MBNL1: variants seen among roughly 807,000 people sequenced by gnomAD.
MBNL1 encodes the protein muscleblind-like protein 1.
Under a neutral mutation model 42.2 loss-of-function variants are expected in MBNL1, and 8 were observed. That is an observed-to-expected ratio of 0.19 (90% confidence interval 0.11 to 0.34). The LOEUF is 0.34. MBNL1 is among the 10% of genes least tolerant of loss of function. MBNL1 has a pLI of 1.00. For missense variants in MBNL1, 309 were observed against 495.3 expected (o/e 0.62, Z 3.57); for synonymous variants, 169 against 173.9 (o/e 0.97, Z 0.22).
chr3:152,331,707 G>A (rs1057021294), intron 2 of MBNL1, among the ~76,000 whole-genome samples: 1 of 152,028 alleles, frequency 6.6e-6, no homozygotes, highest in Admixed American at 6.6e-5. Flanking sequence ...TTGATTGATT[G>A]ATTGATTGAG....
At chr3:152,257,153 C>T (rs879304736) in intron 2 of MBNL1, among the ~76,000 whole-genome samples, 24 of 152,156 alleles carry the variant, frequency 1.6e-4, no homozygotes, top group Admixed American at 7.2e-4. Context: ...TTTTTAAGTG[C>T]GTGTGTGTGA....
At chr3:152,432,611 G>C in intron 3 of MBNL1, 106 bp from the exon 4 acceptor site, 2 of 942,596 alleles carry the variant, frequency 2.1e-6, no homozygotes, top group South Asian at 1.4e-5. Flanking sequence ...AGGAGGGAAG[G>C]CCTAAGGAAG....
At chr3:152,262,032 T>G (rs2036378279) in intron 2 of MBNL1, among the ~76,000 whole-genome samples, 1 of 152,144 alleles carries the variant, frequency 6.6e-6, no homozygotes, top group African/African-American at 2.4e-5. Context: ...AACTGTGATT[T>G]TTCCCTCACG....
intron 9 of MBNL1, among the ~76,000 whole-genome samples, chr3:152,460,702 A>G (rs1744239466): frequency 6.6e-6 from 1 of 151,942 alleles, no homozygotes; most frequent in Admixed American, 6.6e-5. Context: ...TCCAGTATGC[A>G]TGCATTCAAG....
At position 152,421,455 on chromosome 3, in the gene MBNL1, C is replaced by T. The variant is rs563582812; in HGVS notation, c.345+6344C>T. On this transcript the variant is annotated intron_variant, in intron 3 of 9. Coordinates refer to ENST00000324210, the MANE Select transcript of MBNL1 (RefSeq NM_021038.5). ...CCAGCCTAGCAGTCTGAAGTCAACC[C>T]GGGACTAAGGAGCTTGGTTGGGGGA... Among the ~76,000 whole-genome samples the T allele has an allele frequency of 4.6e-5, 7 of 152,224 alleles. No homozygotes were observed. In the East Asian group the frequency reaches 5.8e-4, roughly 13 times the overall value.
chr3:152,456,879 T>C (rs1281780121), intron 8 of MBNL1, among the ~76,000 whole-genome samples: 1 of 152,200 alleles, frequency 6.6e-6, no homozygotes, highest in Non-Finnish European at 1.5e-5. Flanking sequence ...CAAAATAAAT[T>C]GTTTGCATGT....
At chr3:152,295,878 A>G (rs962114666) in intron 1 of MBNL1, among the ~76,000 whole-genome samples, 2 of 152,208 alleles carry the variant, frequency 1.3e-5, no homozygotes, top group African/African-American at 4.8e-5. Flanking sequence ...GAGATACAAG[A>G]GGTACAGCAC....
rs1223856467 is a variant in MBNL1 at position 152,464,243 on chromosome 3, AAGT to A, written c.*1881_*1883del. The A allele has an allele frequency of 1.3e-5, 2 of 152,496 alleles. No homozygotes were observed. The highest frequency in any genetic ancestry group is 2.4e-5 in the African/African-American group (1 of 41,448). The allele number at this position is 152,496 out of a possible 1,614,324, so 9.4% of individuals were successfully genotyped here. Reference sequence around the variant, plus strand: ...AATGAATTTTTCAAAATACAAAAAAAAGTAGTTTTTCCTTCATAACATACTCAG... The same window carrying A: ...AATGAATTTTTCAAAATACAAAAAAAAGTTTTTCCTTCATAACATACTCAG... On this transcript the variant is annotated 3_prime_UTR_variant, in exon 10 of 10. Transcript: ENST00000324210.
In MBNL1 at chr3:152,345,969, A is replaced by C. The variant is rs182914486; in HGVS notation, c.174+45602A>C. On this transcript the variant is annotated intron_variant, in intron 2 of 9. Transcript: ENST00000324210. ...TTTGTTTGTTTGTTTGTTTGTTGCT[A>C]TTCTTTTTGTGTTATGTTTTGTATC... 2.0e-5 allele frequency among the ~76,000 whole-genome samples: 3 copies of C among 152,134 alleles called. No individual in the cohort carries two copies. The East Asian group carries it at 5.8e-4, about 29-fold the overall frequency.
chr3:152,461,694 G>T (rs967969467), intron 9 of MBNL1, among the ~76,000 whole-genome samples: 6 of 152,112 alleles, frequency 3.9e-5, no homozygotes, highest in Non-Finnish European at 1.5e-5. Context: ...AGGTTGTATT[G>T]TGAAGCATAC....
intron 2 of MBNL1, among the ~76,000 whole-genome samples, chr3:152,315,049 T>C (rs2069847129): frequency 6.6e-6 from 1 of 152,258 alleles, no homozygotes. Flanking sequence ...TACTTGATGT[T>C]GAAGAAGGAT....
rs1378833327 is a variant in MBNL1 at position 152,325,420 on chromosome 3, A to G, written c.174+25053A>G. ...CGTAGTAGACTGACTAGAAGTGTAC[A>G]TTGAATGTTTGCTGGTTAAAGGAAT... On this transcript the variant is annotated intron_variant, in intron 2 of 9. Coordinates refer to ENST00000324210, the MANE Select transcript of MBNL1 (RefSeq NM_021038.5). 2.0e-5 allele frequency among the ~76,000 whole-genome samples: 3 copies of G among 152,216 alleles called. No homozygotes were observed. The East Asian group carries it at 5.8e-4, about 29-fold the overall frequency.
intron 2 of MBNL1, among the ~76,000 whole-genome samples, chr3:152,407,209 C>CTTTT (rs60509782): frequency 0.012 from 667 of 54,278 alleles, 55 homozygotes; most frequent in East Asian, 0.024. Flanking sequence ...GAAATATGTT[C>CTTTT]TTTTTTTTTT....
At chr3:152,351,789 A>G (rs1328705583) in intron 2 of MBNL1, among the ~76,000 whole-genome samples, 10 of 152,164 alleles carry the variant, frequency 6.6e-5, no homozygotes, top group Non-Finnish European at 1.5e-4. Context: ...CTTTTAAGAT[A>G]TTTAAATGAA....
chr3:152,275,817 T>C (rs1263283442), intron 1 of MBNL1, among the ~76,000 whole-genome samples: 1 of 151,844 alleles, frequency 6.6e-6, no homozygotes, highest in Non-Finnish European at 1.5e-5. Flanking sequence ...TGGAACTCCT[T>C]TGTAAATGTA....
intron 2 of MBNL1, among the ~76,000 whole-genome samples, chr3:152,317,087 G>A (rs1351716546): frequency 6.6e-6 from 1 of 151,736 alleles, no homozygotes; most frequent in Non-Finnish European, 1.5e-5. Context: ...TCCCTAAAAA[G>A]CAAACAAAAA....
chr3:152,247,673 T>G (rs930701222), intron 2 of MBNL1, among the ~76,000 whole-genome samples: 2 of 152,028 alleles, frequency 1.3e-5, no homozygotes, highest in African/African-American at 4.8e-5. Context: ...TTTTTATCAT[T>G]TTTTATTAAC....
At chr3:152,320,104 T>A (rs1349909029) in intron 2 of MBNL1, among the ~76,000 whole-genome samples, 3 of 152,204 alleles carry the variant, frequency 2.0e-5, no homozygotes, top group Admixed American at 6.5e-5. Context: ...ATATAGTGTT[T>A]TGAATATCCT....
chr3:152,327,069 G>T (rs944915295), intron 2 of MBNL1, among the ~76,000 whole-genome samples: 2 of 151,630 alleles, frequency 1.3e-5, no homozygotes, highest in African/African-American at 4.8e-5. Flanking sequence ...TTGGCCTCCC[G>T]AAGTGCTGGG....
Sources: gnomAD v4.1 joint callset for allele counts (sites outside exome capture counted in the v4.1 genomes callset) on GRCh38, gnomAD v4.1.1 for gene constraint, MANE v1.5 for transcripts, NCBI Gene and HGNC (gene_info 2026-07-23, HGNC 2026-07-21) for gene names.